KLHDC4: variants seen among roughly 807,000 people sequenced by gnomAD.
The protein encoded by KLHDC4 is kelch domain-containing protein 4.
KLHDC4 carries 90 observed loss-of-function variants against 62.4 expected under a neutral mutation model. The ratio of observed to expected loss-of-function variants is 1.44; its 90% CI spans 1.22 to 1.72. The LOEUF is 1.72. Ranked by LOEUF, KLHDC4 falls within the 40% of genes most tolerant of loss-of-function variation. KLHDC4 has a pLI of 0.00. For synonymous variants in KLHDC4, 386 were observed against 284.4 expected (o/e 1.36, Z -3.59); for missense variants, 1,025 against 699.7 (o/e 1.47, Z -5.25).
At chr16:87,730,336 T>C (rs542529538) in intron 6 of KLHDC4, among the ~76,000 whole-genome samples, 1 of 152,304 alleles carries the variant, frequency 6.6e-6, no homozygotes, top group East Asian at 1.9e-4. Context: ...TGTTCAACAA[T>C]GGTTAAGAAT....
rs779348313 is a variant in KLHDC4, at chr16:87,711,224, G to A, written c.1044+11C>T. On this transcript the variant is annotated intron_variant, in intron 9 of 11. Transcript: ENST00000270583. The stretch of plus-strand genomic sequence containing the variant: ...CGCACCACGGCGCATGCTACTCAGA[G>A]GTTGCACTACCTTCAGCTGTCCCTC... 2.7e-5 allele frequency: 43 copies of A among 1,613,550 alleles called. No individual in the cohort carries two copies. Among genetic ancestry groups the A allele is most frequent in the Non-Finnish European group, 3.0e-5 (35 of 1,179,798 alleles).
intron 9 of KLHDC4, 113 bp from the exon 10 acceptor site, chr16:87,709,780 AGT>A: frequency 7.8e-7 from 1 of 1,273,966 alleles, no homozygotes; most frequent in Non-Finnish European, 1.1e-6. Flanking sequence ...AAGCGTGGGG[AGT>A]GTGTGACCCA....
At chr16:87,705,223 G>A (rs116501482), downstream of KLHDC4, among the ~76,000 whole-genome samples, 701 of 152,376 alleles carry the variant, frequency 4.6e-3, 7 homozygotes, top group African/African-American at 0.016. Flanking sequence ...CTGGGCTTTC[G>A]TGCCGGCCGC....
At chr16:87,718,406 C>A (rs1567685666) in intron 7 of KLHDC4, among the ~76,000 whole-genome samples, 1 of 147,226 alleles carries the variant, frequency 6.8e-6, no homozygotes, top group Non-Finnish European at 1.5e-5. Context: ...TCCACGGTCT[C>A]CCTCTGATGC....
At chr16:87,725,888 G>A (rs1016102952) in intron 7 of KLHDC4, among the ~76,000 whole-genome samples, 1 of 152,142 alleles carries the variant, frequency 6.6e-6, no homozygotes, top group Non-Finnish European at 1.5e-5. Context: ...TAACAGGAGC[G>A]AGGAGAATTT....
At chr16:87,737,675 C>A (rs2041572708) in intron 5 of KLHDC4, among the ~76,000 whole-genome samples, 1 of 151,748 alleles carries the variant, frequency 6.6e-6, no homozygotes, top group South Asian at 2.1e-4. Flanking sequence ...GCTACCTCCA[C>A]CTCCCGGGTT....
At chr16:87,741,347 C>T (rs2042213899) in intron 5 of KLHDC4, among the ~76,000 whole-genome samples, 1 of 152,230 alleles carries the variant, frequency 6.6e-6, no homozygotes, top group African/African-American at 2.4e-5. Context: ...TCAGGTCGCA[C>T]AGCAGGAGGT....
chr16:87,731,350 G>A (rs150658390), intron 5 of KLHDC4, among the ~76,000 whole-genome samples: 353 of 152,020 alleles, frequency 2.3e-3, no homozygotes, highest in Non-Finnish European at 3.5e-3. Flanking sequence ...GAGATTACAG[G>A]CATGAGCCAC....
intron 5 of KLHDC4, chr16:87,739,675 G>A (rs2041950709): frequency 6.5e-6 from 1 of 152,908 alleles, no homozygotes; most frequent in South Asian, 2.0e-4. Context: ...ACCTCATCTG[G>A]CCACGGGAGT....
At chr16:87,754,026 G>C (rs1474564737) in intron 4 of KLHDC4, among the ~76,000 whole-genome samples, 1 of 150,636 alleles carries the variant, frequency 6.6e-6, no homozygotes, top group East Asian at 2.0e-4. Context: ...TGTAATCCCA[G>C]CTACTGGGGA....
At chr16:87,708,969 G>A (rs557330189) in intron 10 of KLHDC4, among the ~76,000 whole-genome samples, 3 of 152,256 alleles carry the variant, frequency 2.0e-5, no homozygotes, top group African/African-American at 4.8e-5. Context: ...GGCTCGGACG[G>A]CCATCCACAA....
At position 87,765,794 on chromosome 16, in the gene KLHDC4, C is replaced by A; in HGVS notation, c.97G>T (p.Glu33Ter). ...KKVSKRSRKEEEDLEALIAHF... is the reference protein window; with the variant it reads ...KKVSKRSRKE ...TAAGCCCGGTCTGACCCGCTCACCT[C>A]CTCCTTCCGCGAGCGCTTAGACACC... is the stretch of plus-strand genomic sequence containing the variant. Residue 33 changes from glutamate (E) to a stop codon, truncating the protein, a stop_gained and splice_region_variant, in exon 1 of 12, where the codon GAG becomes TAG. Transcript: ENST00000270583. LOFTEE classifies it high-confidence loss of function. 1.3e-6 allele frequency: 2 copies of A among 1,570,864 alleles called. No individual in the cohort carries two copies. The highest frequency in any genetic ancestry group is 1.2e-5 in the South Asian group (1 of 85,628).
chr16:87,702,700 G>C (rs1370069987), upstream of KLHDC4: 2 of 214,684 alleles, frequency 9.3e-6, no homozygotes, highest in Non-Finnish European at 1.9e-5. Flanking sequence ...CCTCGCTCCA[G>C]CTGCCAAAGC....
chr16:87,725,881 C>A (rs1025175416), intron 7 of KLHDC4, among the ~76,000 whole-genome samples: 18 of 152,170 alleles, frequency 1.2e-4, no homozygotes, highest in Non-Finnish European at 5.9e-5. Flanking sequence ...AGCCCGTTAA[C>A]AGGAGCGAGG....
chr16:87,714,806 C>G (rs936568838), intron 7 of KLHDC4, among the ~76,000 whole-genome samples: 1 of 152,200 alleles, frequency 6.6e-6, no homozygotes, highest in Non-Finnish European at 1.5e-5. Flanking sequence ...CGCGATCACA[C>G]AGTACACTAG....
chr16:87,754,126 C>G (rs1259893593), intron 4 of KLHDC4, among the ~76,000 whole-genome samples: 1 of 152,004 alleles, frequency 6.6e-6, no homozygotes, highest in Non-Finnish European at 1.5e-5. Flanking sequence ...GGAGACAGAG[C>G]AAGACTCCCT....
intron 5 of KLHDC4, among the ~76,000 whole-genome samples, chr16:87,736,971 T>C (rs552759006): frequency 6.6e-6 from 1 of 150,398 alleles, no homozygotes; most frequent in Non-Finnish European, 1.5e-5. Flanking sequence ...ATTAAAAATA[T>C]AACATTAGCC....
At chr16:87,753,655 C>G (rs572528045) in intron 4 of KLHDC4, among the ~76,000 whole-genome samples, 25 of 150,888 alleles carry the variant, frequency 1.7e-4, no homozygotes, top group African/African-American at 6.2e-4. Flanking sequence ...CAAAAAATTA[C>G]CTAGGCGTGG....
intron 5 of KLHDC4, among the ~76,000 whole-genome samples, chr16:87,745,575 G>C (rs1244978289): frequency 6.6e-6 from 1 of 152,240 alleles, no homozygotes. Flanking sequence ...TGAATGTCTT[G>C]CTCAGAAAAC....
Sources: allele counts gnomAD v4.1 joint callset (sites outside exome capture counted in the v4.1 genomes callset), GRCh38; gene constraint gnomAD v4.1.1; transcripts MANE v1.5; gene names NCBI Gene and HGNC (gene_info 2026-07-23, HGNC 2026-07-21).